TBCK: variants seen among roughly 807,000 people sequenced by gnomAD.
The protein encoded by TBCK is TBC domain-containing protein kinase-like protein.
In TBCK, 99 loss-of-function variants were observed where a neutral mutation model predicts 113.4. That is an observed-to-expected ratio of 0.87 (90% CI 0.74 to 1.03). The LOEUF is 1.03. Ranked by LOEUF, TBCK falls within the 50% of genes least tolerant of loss-of-function variation. TBCK has a pLI of 0.00. For missense variants in TBCK, 1,045 were observed against 1,061.3 expected, an observed-to-expected ratio of 0.98 and a Z score of 0.21; for synonymous variants, 369 against 370.8, an observed-to-expected ratio of 1.00 and a Z score of 0.05.
intron 24 of TBCK, among the ~76,000 whole-genome samples, chr4:106,099,019 G>A (rs1048994627): frequency 1.3e-5 from 2 of 152,070 alleles, no homozygotes; most frequent in African/African-American, 2.4e-5. Flanking sequence ...TAGGGATGAT[G>A]TATATTATCT....
intron 23 of TBCK, among the ~76,000 whole-genome samples, chr4:106,128,326 TATCTTA>T (rs1444092862): frequency 6.6e-6 from 1 of 152,218 alleles, no homozygotes; most frequent in Non-Finnish European, 1.5e-5. Flanking sequence ...AGCTATTCTT[TATCTTA>T]AACATTTGAC....
Position 106,175,880 on chromosome 4 carries a change from G to T in TBCK, c.2060-4610C>A, listed in dbSNP as rs150642434. On this transcript the variant is annotated intron_variant, in intron 22 of 25. Transcript: ENST00000394708. ...ATAGGTCATATTTTTGTTATCTGAA[G>T]TAACTTCTGGGTATTGACAAAGATG... 5.0e-3 allele frequency among the ~76,000 whole-genome samples: 757 copies of T among 152,206 alleles called. 4 individuals carry two copies. Among genetic ancestry groups the T allele is most frequent in the African/African-American group, 0.018 (728 of 41,552 alleles).
intron 23 of TBCK, among the ~76,000 whole-genome samples, chr4:106,123,941 G>A (rs974365413): frequency 1.3e-5 from 2 of 150,870 alleles, no homozygotes; most frequent in African/African-American, 2.4e-5. Context: ...ATAGGCATGG[G>A]CAAGGACTTC....
chr4:106,271,350 T>C lies in TBCK; in HGVS notation c.267-9138A>G, dbSNP rs1763455283. ...ACAAAAAATATAATATTAATAAATA[T>C]GGATTCTTAATTTTAGGTTCTCCTG... is the stretch of plus-strand genomic sequence containing the variant. On this transcript the variant is annotated intron_variant, in intron 3 of 25. Coordinates refer to ENST00000394708, the MANE Select transcript of TBCK (RefSeq NM_001163435.3). Among the ~76,000 whole-genome samples, 5 of 152,298 alleles carry C rather than the reference T, an allele frequency of 3.3e-5. No individual in the cohort carries two copies. In the South Asian group the frequency reaches 8.3e-4, roughly 25 times the overall value.
chr4:106,160,887 G>T (rs1303002296), intron 23 of TBCK, among the ~76,000 whole-genome samples: 1 of 151,844 alleles, frequency 6.6e-6, no homozygotes, highest in Non-Finnish European at 1.5e-5. Context: ...ATGAATGAAT[G>T]GATAAACAAA....
intron 25 of TBCK, among the ~76,000 whole-genome samples, chr4:106,081,587 G>A (rs190630368): frequency 6.6e-6 from 1 of 152,208 alleles, no homozygotes; most frequent in Non-Finnish European, 1.5e-5. Flanking sequence ...CCTAGGTGAT[G>A]GATTGATCTA....
chr4:106,307,664 T>G (rs1767671925), intron 2 of TBCK, among the ~76,000 whole-genome samples: 3 of 152,132 alleles, frequency 2.0e-5, no homozygotes, highest in Admixed American at 6.5e-5. Context: ...ACTTTCAGAT[T>G]TTTTTACGTC....
intron 3 of TBCK, among the ~76,000 whole-genome samples, chr4:106,263,319 C>A (rs189897560): frequency 2.9e-4 from 44 of 151,590 alleles, no homozygotes; most frequent in Non-Finnish European, 6.1e-4. Context: ...GAAAAAAGAA[C>A]AGAACAAATA....
chr4:106,251,763 A>ATATGTT, intron 6 of TBCK, 103 bp downstream of exon 6: 12 of 1,086,700 alleles, frequency 1.1e-5, no homozygotes, highest in Non-Finnish European at 1.5e-5. Context: ...TATGTAATTA[A>ATATGTT]TTTGTACAGC....
At chr4:106,107,028 T>TAA (rs139358012) in intron 24 of TBCK, among the ~76,000 whole-genome samples, 5 of 151,228 alleles carry the variant, frequency 3.3e-5, no homozygotes, top group Admixed American at 1.3e-4. Flanking sequence ...CAACAACGAT[T>TAA]TAAAAAAAAA....
At chr4:106,228,368 T>C (rs1250163110) in intron 19 of TBCK, among the ~76,000 whole-genome samples, 1 of 150,536 alleles carries the variant, frequency 6.6e-6, no homozygotes, top group Non-Finnish European at 1.5e-5. Context: ...CCATTCACAA[T>C]GTGTATCCTC....
intron 19 of TBCK, among the ~76,000 whole-genome samples, chr4:106,225,695 G>C (rs374710487): frequency 7.9e-5 from 12 of 152,190 alleles, no homozygotes; most frequent in African/African-American, 2.9e-4. Flanking sequence ...CTGACGTCGT[G>C]ATCTGCCCTC....
chr4:106,051,053 G>GT (rs1734751112), intron 25 of TBCK, among the ~76,000 whole-genome samples: 1 of 151,922 alleles, frequency 6.6e-6, no homozygotes. Flanking sequence ...CCCGGAGAAA[G>GT]TTAAGTTGTG....
rs535976724 is a variant in TBCK, at chr4:106,190,215, A to G, written c.2059+3394T>C. On this transcript the variant is annotated intron_variant, in intron 22 of 25. Transcript: ENST00000394708. ...CTTACAGTAACCCTATTTAATTTATATTTATCCCTAGATTACAATAAAAAA... is the reference window on the plus strand; with the variant it reads ...CTTACAGTAACCCTATTTAATTTATGTTTATCCCTAGATTACAATAAAAAA... Among the ~76,000 whole-genome samples the G allele has an allele frequency of 2.0e-5, 3 of 152,314 alleles. No homozygotes were observed. The East Asian group carries it at 5.8e-4, about 29-fold the overall frequency.
At chr4:106,267,916 C>T (rs1763135631) in intron 3 of TBCK, among the ~76,000 whole-genome samples, 1 of 152,038 alleles carries the variant, frequency 6.6e-6, no homozygotes, top group Non-Finnish European at 1.5e-5. Flanking sequence ...GAATGGAAGA[C>T]TTCGTATGTT....
intron 20 of TBCK, among the ~76,000 whole-genome samples, chr4:106,211,634 T>C (rs1465878885): frequency 6.6e-6 from 1 of 152,104 alleles, no homozygotes; most frequent in Non-Finnish European, 1.5e-5. Context: ...AACTGCTTTA[T>C]AGTATTCTAT....
intron 3 of TBCK, among the ~76,000 whole-genome samples, chr4:106,285,751 T>C (rs1376595439): frequency 6.6e-6 from 1 of 152,198 alleles, no homozygotes; most frequent in Non-Finnish European, 1.5e-5. Context: ...AAATGTCAAG[T>C]TGCAACCCCA....
At chr4:106,100,539 A>T (rs1741434384) in intron 24 of TBCK, among the ~76,000 whole-genome samples, 1 of 152,040 alleles carries the variant, frequency 6.6e-6, no homozygotes, top group Non-Finnish European at 1.5e-5. Flanking sequence ...AAAGCTAGGG[A>T]CCTCACTCTT....
In TBCK at chr4:106,212,836, C is replaced by A. The variant is rs758791315; in HGVS notation, c.1775-1G>T. Reference sequence around the variant, plus strand: ...ATCTGAGAGAAGACAGTCAGATACTCTGAAATTACAAAGTTTGAGACAATC... The same window carrying A: ...ATCTGAGAGAAGACAGTCAGATACTATGAAATTACAAAGTTTGAGACAATC... On this transcript the variant is annotated splice_acceptor_variant, in intron 19 of 25. Transcript: ENST00000394708. LOFTEE classifies it high-confidence loss of function. The A allele has an allele frequency of 6.2e-7, 1 of 1,601,784 alleles. No homozygotes were observed. The highest frequency in any genetic ancestry group is 1.1e-5 in the South Asian group (1 of 89,954).
Sources: allele counts gnomAD v4.1 joint callset (sites outside exome capture counted in the v4.1 genomes callset), GRCh38; gene constraint gnomAD v4.1.1; transcripts MANE v1.5; gene names NCBI Gene and HGNC (gene_info 2026-07-23, HGNC 2026-07-21).